The following CRY2 variants were observed in gnomAD, a reference collection of about 807,000 sequenced individuals.
CRY2 encodes the protein cryptochrome circadian regulator 2.
A neutral mutation model predicts 69.5 loss-of-function variants in CRY2; 31 were observed. The observed-to-expected ratio is 0.45, with a 90% CI of 0.34 to 0.60. CRY2 has a LOEUF of 0.60. Ranked by LOEUF, CRY2 falls within the 20% of genes least tolerant of loss-of-function variation. CRY2 has a pLI of 0.02. For missense variants in CRY2, 606 were observed against 797.8 expected (o/e 0.76, Z 2.90); for synonymous variants, 303 against 312.2 (o/e 0.97, Z 0.31).
chr11:45,847,266 G>A, upstream of CRY2: 1 of 1,552,050 alleles, frequency 6.4e-7, no homozygotes, highest in Non-Finnish European at 8.7e-7. Flanking sequence ...GCTCCACCCG[G>A]GCGGACCCAC....
intron 6 of CRY2, among the ~76,000 whole-genome samples, chr11:45,868,581 A>G (rs2086350279): frequency 6.6e-6 from 1 of 152,066 alleles, no homozygotes. Flanking sequence ...GGCCTCCCAC[A>G]GTGCTGGGAT....
Position 45,870,442 on chromosome 11 carries a change from C to T in CRY2, c.1459C>T (p.Arg487Trp), listed in dbSNP as rs372919618. The T allele has an allele frequency of 9.3e-6, 15 of 1,614,124 alleles. No individual in the cohort carries two copies. Among genetic ancestry groups the T allele is most frequent in the African/African-American group, 8.0e-5 (6 of 74,928 alleles). The change falls in exon 9 of 12, where the codon CGG becomes TGG. Residue 487 changes from arginine to tryptophan, a missense_variant. Transcript: ENST00000616080. ...GTGCATCATTGGTGTGGACTACCCA[C>T]GGCCCATCGTCAACCATGCCGAGAC... ...AKCIIGVDYPRPIVNHAETSR... is the reference protein window; with the variant it reads ...AKCIIGVDYPWPIVNHAETSR...
At chr11:45,854,716 G>C (rs572114616) in intron 1 of CRY2, among the ~76,000 whole-genome samples, 23 of 152,178 alleles carry the variant, frequency 1.5e-4, no homozygotes, top group Admixed American at 5.2e-4. Context: ...ATAAAAAAGG[G>C]CACAGAGAGG....
At position 45,847,479 on chromosome 11, in the gene CRY2, G is replaced by T. The variant is rs750790842; in HGVS notation, c.-12G>T. The T allele has an allele frequency of 1.9e-6, 3 of 1,601,548 alleles. No homozygotes were observed. The South Asian group carries it at 3.3e-5, about 18-fold the overall frequency. ...GGGCGGAGCGGGGGTGGCTGGAGCA[G>T]TCTGGACAGTCATGGCGGCGACTGT... On this transcript the variant is annotated 5_prime_UTR_variant, in exon 1 of 12. Coordinates refer to ENST00000616080, the MANE Select transcript of CRY2 (RefSeq NM_021117.5).
chr11:45,878,413 C>G (rs1565065284), intron 11 of CRY2, among the ~76,000 whole-genome samples: 1 of 152,198 alleles, frequency 6.6e-6, no homozygotes, highest in Non-Finnish European at 1.5e-5. Context: ...ATCCTGCAAT[C>G]CTGAAAGTTT....
intron 10 of CRY2, among the ~76,000 whole-genome samples, chr11:45,871,615 A>AT (rs1004678334): frequency 2.6e-5 from 4 of 152,216 alleles, no homozygotes; most frequent in African/African-American, 9.6e-5. Flanking sequence ...GACTGGACAG[A>AT]TTCGCTGCAT....
intron 11 of CRY2, among the ~76,000 whole-genome samples, chr11:45,874,639 A>G (rs1590772947): frequency 6.6e-6 from 1 of 152,188 alleles, no homozygotes; most frequent in African/African-American, 2.4e-5. Context: ...GTAAACAAAT[A>G]AATATTTAAA....
intron 11 of CRY2, among the ~76,000 whole-genome samples, chr11:45,873,703 A>C (rs2086404543): frequency 6.6e-6 from 1 of 152,220 alleles, no homozygotes; most frequent in Admixed American, 6.5e-5. Context: ...TAAGGATTGA[A>C]CAGTCTGCTT....
At chr11:45,855,943 A>C in intron 1 of CRY2, 39 bp from the exon 2 acceptor site, 1 of 1,517,294 alleles carries the variant, frequency 6.6e-7, no homozygotes. Flanking sequence ...GCCACTCTTC[A>C]TGATGTTATC....
At chr11:45,854,563 C>T (rs2086224600) in intron 1 of CRY2, among the ~76,000 whole-genome samples, 2 of 152,186 alleles carry the variant, frequency 1.3e-5, no homozygotes. Flanking sequence ...GGTGCACATA[C>T]CTATAACCCC....
chr11:45,864,694 C>G (rs964644446), intron 5 of CRY2, among the ~76,000 whole-genome samples: 1 of 152,062 alleles, frequency 6.6e-6, no homozygotes, highest in African/African-American at 2.4e-5. Flanking sequence ...ATAGTGAAAC[C>G]TCATCTCTAC....
chr11:45,854,819 G>C (rs1554957012), intron 1 of CRY2, among the ~76,000 whole-genome samples: 1 of 152,228 alleles, frequency 6.6e-6, no homozygotes, highest in Non-Finnish European at 1.5e-5. Flanking sequence ...ATTCACCTCT[G>C]AGTGTCTCAG....
intron 11 of CRY2, among the ~76,000 whole-genome samples, chr11:45,873,107 C>T (rs2086399372): frequency 6.6e-6 from 1 of 152,228 alleles, no homozygotes; most frequent in Non-Finnish European, 1.5e-5. Context: ...AAAACACTGG[C>T]TTCTCCTTTC....
chr11:45,873,064 A>G (rs1565063774), intron 11 of CRY2, among the ~76,000 whole-genome samples: 2 of 152,176 alleles, frequency 1.3e-5, no homozygotes, highest in African/African-American at 4.8e-5. Flanking sequence ...CCTCCCTGGC[A>G]GCGCTCATCT....
At position 45,870,523 on chromosome 11, in the gene CRY2, C is replaced by T; in HGVS notation, c.1540C>T (p.Arg514Trp). Reference protein sequence around the residue: ...KQIYQQLSRYRGLCLLASVPS... With the variant: ...KQIYQQLSRYWGLCLLASVPS... Reference sequence around the variant, plus strand: ...GATTTACCAGCAGCTTTCGCGCTACCGGGGACTCTGTAAGGAGACAAACAC... The same window carrying T: ...GATTTACCAGCAGCTTTCGCGCTACTGGGGACTCTGTAAGGAGACAAACAC... The change falls in exon 9 of 12, where the codon CGG becomes TGG. Residue 514 changes from arginine to tryptophan, a missense_variant. Arg to Trp is a moderately radical substitution (Grantham distance 101). Around this residue, in one of 5 missense-constraint regions of CRY2, gnomAD observed 173 missense variants for 213.7 expected, o/e 0.81. Coordinates refer to ENST00000616080, the MANE Select transcript of CRY2 (RefSeq NM_021117.5). 1.2e-6 allele frequency: 2 copies of T among 1,614,008 alleles called. No homozygotes were observed. The highest frequency in any genetic ancestry group is 1.7e-6 in the Non-Finnish European group (2 of 1,180,014).
chr11:45,865,148 A>G (rs2086320088), intron 5 of CRY2, among the ~76,000 whole-genome samples: 1 of 152,210 alleles, frequency 6.6e-6, no homozygotes, highest in South Asian at 2.1e-4. Context: ...CTTAAACACA[A>G]AGAATAACTG....
Position 45,869,594 on chromosome 11 carries a change from G to A in CRY2, c.971G>A (p.Arg324Lys). Residue 324 changes from arginine to lysine, a missense_variant, in exon 7 of 12, where the codon AGG becomes AAG. Around this residue, in one of 5 missense-constraint regions of CRY2, gnomAD observed 382 missense variants for 508.9 expected, o/e 0.75. Transcript: ENST00000616080. ...FFYTAATNNP[R>K]FDRMEGNPIC... is the part of the protein sequence containing the mutation. ...TACACGGCAGCTACCAACAACCCCA[G>A]GTTTGACCGCATGGAGGGGAACCCC... The A allele has an allele frequency of 1.1e-5, 17 of 1,614,262 alleles. No homozygotes were observed. The highest frequency in any genetic ancestry group is 1.4e-5 in the Non-Finnish European group (17 of 1,180,050).
chr11:45,874,667 G>A (rs1378576317), intron 11 of CRY2, among the ~76,000 whole-genome samples: 4 of 152,238 alleles, frequency 2.6e-5, no homozygotes, highest in East Asian at 1.9e-4. Context: ...GAGGCCAGCC[G>A]GGCGTGGTGG....
In CRY2 at chr11:45,862,043, C is replaced by T; in HGVS notation, c.653-17C>T. ...AATGGTCAAACCTCCTGTCTTGTGA[C>T]CTTTCCTTCTCTTCAGGGTTCCCCA... On this transcript the variant is annotated splice_polypyrimidine_tract_variant and intron_variant, in intron 4 of 11. Coordinates refer to ENST00000616080, the MANE Select transcript of CRY2 (RefSeq NM_021117.5). 6.2e-7 allele frequency: 1 copy of T among 1,609,712 alleles called. No individual in the cohort carries two copies. Among genetic ancestry groups the T allele is most frequent in the Non-Finnish European group, 8.5e-7 (1 of 1,177,324 alleles).
Sources: allele counts gnomAD v4.1 joint callset (sites outside exome capture counted in the v4.1 genomes callset), GRCh38; gene constraint gnomAD v4.1.1; regional missense constraint gnomAD v4.1.1; transcripts MANE v1.5; gene names NCBI Gene and HGNC (gene_info 2026-07-23, HGNC 2026-07-21).